XDH: variants seen among roughly 807,000 people sequenced by gnomAD.
XDH encodes the protein xanthine dehydrogenase.
XDH carries 138 observed loss-of-function variants against 156.1 expected under a neutral mutation model. The observed-to-expected ratio is 0.88, with a 90% confidence interval of 0.77 to 1.02. The LOEUF is 1.02. Ranked by LOEUF, XDH falls within the 50% of genes least tolerant of loss-of-function variation. XDH has a pLI of 0.00. For synonymous variants in XDH, 669 were observed against 625.7 expected (o/e 1.07, Z -1.03); for missense variants, 1,849 against 1,684.9 (o/e 1.10, Z -1.71).
At position 31,378,171 on chromosome 2, in the gene XDH, G is replaced by C. The variant is rs948672797; in HGVS notation, c.1243-934C>G. ...GGAAGGAAGGAAGGAAGGAAGGAAGGAAGGAAGCAAGCAAGCAAGCAAAGC... is the reference window on the plus strand; with the variant it reads ...GGAAGGAAGGAAGGAAGGAAGGAAGCAAGGAAGCAAGCAAGCAAGCAAAGC... On this transcript the variant is annotated intron_variant, in intron 13 of 35. Coordinates refer to ENST00000379416, the MANE Select transcript of XDH (RefSeq NM_000379.4). Among the ~76,000 whole-genome samples, 136 of 83,052 alleles carry C rather than the reference G, an allele frequency of 1.6e-3. 7 individuals are homozygous for C. In the East Asian group the frequency reaches 0.042, roughly 26 times the overall value. 54.5% of individuals were successfully genotyped at this position (83,052 alleles called of 152,430 possible).
At chr2:31,408,554 C>T (rs1232336018) in intron 1 of XDH, among the ~76,000 whole-genome samples, 3 of 152,160 alleles carry the variant, frequency 2.0e-5, no homozygotes, top group Admixed American at 6.5e-5. Context: ...ACAATTAAAA[C>T]CTATGAGTCC....
chr2:31,338,423 G>A (rs985465587), intron 34 of XDH, among the ~76,000 whole-genome samples: 2 of 152,100 alleles, frequency 1.3e-5, no homozygotes, highest in African/African-American at 2.4e-5. Context: ...ATTTCTAGGC[G>A]TGGGCCCCAG....
At chr2:31,386,269 T>C in intron 9 of XDH, 145 bp downstream of exon 9, 2 of 1,126,454 alleles carry the variant, frequency 1.8e-6, no homozygotes, top group Non-Finnish European at 2.5e-6. Context: ...TGTCCAGGGA[T>C]TTCCAGTGGG....
intron 6 of XDH, chr2:31,389,704 A>C (rs950420361): frequency 1.3e-4 from 20 of 152,144 alleles, no homozygotes; most frequent in African/African-American, 4.8e-4. Context: ...TGTGTTAATG[A>C]CATAAATTAC....
intron 9 of XDH, 180 bp from the exon 10 acceptor site, chr2:31,384,027 G>A (rs1267702385): frequency 2.0e-5 from 13 of 653,598 alleles, no homozygotes; most frequent in Non-Finnish European, 2.8e-5. Flanking sequence ...GGGATTAGAT[G>A]CAGTCTTTGG....
intron 15 of XDH, 28 bp from the exon 16 acceptor site, chr2:31,373,984 C>A: frequency 6.2e-7 from 1 of 1,601,298 alleles, no homozygotes. Flanking sequence ...CAGAGGTGAC[C>A]AGGATTATAT....
Position 31,348,161 on chromosome 2 carries a change from C to T in XDH, c.3147+107G>A, listed in dbSNP as rs45452492. ...GCTACACGGACATAAGCAACAGGGCCAGGGCCAGACCCCGGGCCTGCTTCT... is the reference window on the plus strand; with the variant it reads ...GCTACACGGACATAAGCAACAGGGCTAGGGCCAGACCCCGGGCCTGCTTCT... On this transcript the variant is annotated intron_variant, in intron 28 of 35. Transcript: ENST00000379416. 4.7e-3 allele frequency: 5,335 copies of T among 1,147,258 alleles called. 154 individuals are homozygous for T. In the African/African-American group the frequency reaches 0.065, roughly 14 times the overall value. 71.1% of individuals were successfully genotyped at this position (1,147,258 alleles called of 1,614,324 possible).
In XDH at chr2:31,337,824, A is replaced by T; in HGVS notation, c.3775-7T>A. The stretch of plus-strand genomic sequence containing the variant: ...GGGGCGGCTCTCCAACAGCCTGAAC[A>T]CAGACAGGGCACAGGGCAGGGGCTC... On this transcript the variant is annotated splice_polypyrimidine_tract_variant and splice_region_variant and intron_variant, in intron 34 of 35. Transcript: ENST00000379416. The T allele has an allele frequency of 6.2e-7, 1 of 1,613,896 alleles. No homozygotes were observed. Among genetic ancestry groups the T allele is most frequent in the Non-Finnish European group, 8.5e-7 (1 of 1,179,930 alleles).
In XDH at chr2:31,339,562, C is replaced by T; in HGVS notation, c.3701G>A (p.Gly1234Asp). The part of the protein sequence containing the change: ...GPSTYKIPAF[G>D]SIPIEFRVSL... ...CACCCTGAACTCAATGGGGATGCTG[C>T]CAAATGCCGGGATCTTGTAGGTGCT... is the stretch of plus-strand genomic sequence containing the variant. Residue 1234 changes from glycine (G) to aspartate (D), a missense_variant, in exon 34 of 36, where the codon GGC (glycine) becomes GAC (aspartate). Coordinates refer to ENST00000379416, the MANE Select transcript of XDH (RefSeq NM_000379.4). The T allele has an allele frequency of 6.2e-7, 1 of 1,614,184 alleles. No individual in the cohort carries two copies. Among genetic ancestry groups the T allele is most frequent in the African/African-American group, 1.3e-5 (1 of 75,060 alleles).
intron 8 of XDH, among the ~76,000 whole-genome samples, chr2:31,387,137 T>A (rs1236312154): frequency 6.6e-6 from 1 of 152,210 alleles, no homozygotes; most frequent in Non-Finnish European, 1.5e-5. Context: ...GAACTGCCAG[T>A]ATTTTCAAAG....
intron 5 of XDH, 36 bp downstream of exon 5, chr2:31,398,537 C>A: frequency 6.2e-7 from 1 of 1,613,180 alleles, no homozygotes. Context: ...CCTCGTTTGC[C>A]ATTCCACCTC....
Position 31,383,052 on chromosome 2 carries a change from C to T in XDH, c.987G>A (p.Gly329=). 1 of 1,614,196 alleles carries T rather than the reference C, an allele frequency of 6.2e-7. No individual in the cohort carries two copies. Among genetic ancestry groups the T allele is most frequent in the Non-Finnish European group, 8.5e-7 (1 of 1,180,042 alleles). Residue 329 remains glycine (G), a synonymous_variant, in exon 11 of 36, where the codon GGG becomes GGA. Coordinates refer to ENST00000379416, the MANE Select transcript of XDH (RefSeq NM_000379.4). ...CAAACCAGCGCAGCTGCTCCAGGAC[C>T]CCTCTGAACACCTCTGTCTTTTGGG... is the stretch of plus-strand genomic sequence containing the variant. The part of the protein sequence containing the change: ...LPAQKTEVFR[G]VLEQLRWFAG...
At chr2:31,369,049 G>A (rs536073588) in intron 18 of XDH, among the ~76,000 whole-genome samples, 2 of 152,260 alleles carry the variant, frequency 1.3e-5, no homozygotes, top group African/African-American at 4.8e-5. Context: ...GCCACATTTG[G>A]CTAGTTACTA....
At position 31,365,977 on chromosome 2, in the gene XDH, T is replaced by G. The variant is rs967742476; in HGVS notation, c.2455A>C (p.Lys819Gln). ...GGAGAAACAGGCTTTGGAACTCACT[T>G]ATATGCAGCCAGGGCCACTGCCGTG... is the stretch of plus-strand genomic sequence containing the variant. ...VSTAVALAAY[K>Q]TGRPVRCMLD... The change falls in exon 22 of 36, where the codon AAG becomes CAG. Residue 819 changes from lysine (K) to glutamine (Q), a missense_variant and splice_region_variant. Lys to Gln is a moderately conservative substitution (Grantham distance 53). Coordinates refer to ENST00000379416, the MANE Select transcript of XDH (RefSeq NM_000379.4). 1 of 1,614,168 alleles carries G rather than the reference T, an allele frequency of 6.2e-7. No individual in the cohort carries two copies. The highest frequency in any genetic ancestry group is 1.7e-5 in the Admixed American group (1 of 60,022).
At chr2:31,367,346 CTG>C (rs1685943725) in intron 20 of XDH, among the ~76,000 whole-genome samples, 2 of 152,220 alleles carry the variant, frequency 1.3e-5, no homozygotes, top group Non-Finnish European at 2.9e-5. Context: ...GATTGAAACA[CTG>C]AAAACCAGCG....
At chr2:31,373,532 G>GGTTT (rs71405565) in intron 16 of XDH, among the ~76,000 whole-genome samples, 3,632 of 149,882 alleles carry the variant, frequency 0.024, 57 homozygotes, top group Non-Finnish European at 0.031. Context: ...GCAGATAGAT[G>GGTTT]GTTTGTTTGT....
chr2:31,363,054 G>A (rs1364781703), intron 24 of XDH, among the ~76,000 whole-genome samples: 1 of 152,238 alleles, frequency 6.6e-6, no homozygotes, highest in Non-Finnish European at 1.5e-5. Flanking sequence ...GTTCACGCCT[G>A]TAATCCCAGC....
intron 33 of XDH, among the ~76,000 whole-genome samples, chr2:31,340,342 T>C (rs544070169): frequency 6.6e-6 from 1 of 152,370 alleles, no homozygotes; most frequent in Non-Finnish European, 1.5e-5. Context: ...GATTGACTAA[T>C]GGCCAGATTT....
At chr2:31,397,143 C>T (rs748373447) in intron 6 of XDH, among the ~76,000 whole-genome samples, 4 of 152,174 alleles carry the variant, frequency 2.6e-5, no homozygotes, top group Non-Finnish European at 4.4e-5. Context: ...CCCACACATC[C>T]GGCTGTGACT....
Sources: allele counts gnomAD v4.1 joint callset (sites outside exome capture counted in the v4.1 genomes callset), GRCh38; gene constraint gnomAD v4.1.1; transcripts MANE v1.5; gene names NCBI Gene and HGNC (gene_info 2026-07-23, HGNC 2026-07-21).